AGT: variants seen among roughly 807,000 people sequenced by gnomAD.
AGT encodes the protein angiotensinogen.
A neutral mutation model predicts 28.1 loss-of-function variants in AGT; 26 were observed. The observed-to-expected ratio is 0.92, with a 90% CI of 0.68 to 1.28. The LOEUF (loss-of-function observed/expected upper bound fraction) is 1.28, where lower values mean the gene tolerates loss of function less well. AGT is among the 50% of genes most tolerant of loss of function. The pLI is 0.00. For synonymous variants in AGT, 259 were observed against 259.6 expected, an observed-to-expected ratio of 1.00 and a Z score of 0.02; for missense variants, 596 against 592.3, an observed-to-expected ratio of 1.01 and a Z score of -0.06.
intron 1 of AGT, among the ~76,000 whole-genome samples, chr1:230,728,557 G>C (rs778045989): frequency 6.6e-6 from 1 of 152,154 alleles, no homozygotes; most frequent in Admixed American, 6.5e-5. Context: ...CGCTAAGGAG[G>C]TTTCAATATT....
chr1:230,717,730 C>T (rs1663765501), upstream of AGT, among the ~76,000 whole-genome samples: 1 of 152,170 alleles, frequency 6.6e-6, no homozygotes, highest in African/African-American at 2.4e-5. Context: ...AAGGACACTT[C>T]CCAGCATTTC....
chr1:230,722,754 T>A (rs1044774560), intron 1 of AGT, among the ~76,000 whole-genome samples: 2 of 152,246 alleles, frequency 1.3e-5, no homozygotes, highest in Admixed American at 1.3e-4. Flanking sequence ...ACCCCCACTG[T>A]ATCTTGGAAG....
intron 3 of AGT, 121 bp downstream of exon 3, chr1:230,705,812 C>G (rs570157525): frequency 2.2e-6 from 3 of 1,341,926 alleles, no homozygotes; most frequent in African/African-American, 1.4e-5. Flanking sequence ...CCCGTGCCAC[C>G]GCGGCCCTGC....
chr1:230,743,873 A>G (rs180849800), intron 1 of AGT, among the ~76,000 whole-genome samples: 87 of 152,342 alleles, frequency 5.7e-4, no homozygotes, highest in Admixed American at 1.2e-3. Flanking sequence ...AAACAAAGGG[A>G]GTTCGCCACA....
chr1:230,731,743 T>G (rs1214083399), intron 1 of AGT, among the ~76,000 whole-genome samples: 1 of 152,162 alleles, frequency 6.6e-6, no homozygotes, highest in Non-Finnish European at 1.5e-5. Context: ...GGCACACACC[T>G]GTAATCCCAG....
intron 1 of AGT, among the ~76,000 whole-genome samples, chr1:230,731,291 T>C (rs1260358882): frequency 6.6e-6 from 1 of 152,136 alleles, no homozygotes; most frequent in Non-Finnish European, 1.5e-5. Flanking sequence ...CTTCTAGCGG[T>C]CCCACAGGCC....
At chr1:230,710,950 C>A in intron 1 of AGT, 97 bp from the exon 2 acceptor site, 1 of 1,443,732 alleles carries the variant, frequency 6.9e-7, no homozygotes, top group Non-Finnish European at 9.5e-7. Flanking sequence ...TCCCTGTCAC[C>A]ATTTAGCCCA....
At chr1:230,742,913 G>T (rs763512788) in intron 1 of AGT, among the ~76,000 whole-genome samples, 2 of 152,184 alleles carry the variant, frequency 1.3e-5, no homozygotes, top group African/African-American at 2.4e-5. Flanking sequence ...TGGGTGCATT[G>T]GTAGCTCTGA....
At chr1:230,742,478 G>T (rs73104603) in intron 1 of AGT, among the ~76,000 whole-genome samples, 11,315 of 152,032 alleles carry the variant, frequency 0.074, 611 homozygotes, top group East Asian at 0.14. Flanking sequence ...ACTATGCCTG[G>T]CTAATTTTCT....
chr1:230,719,413 T>TTTTTTGTTTGTTTTTGTTTTTG (rs1558291312), upstream of AGT, among the ~76,000 whole-genome samples: 1 of 59,138 alleles, frequency 1.7e-5, no homozygotes, highest in African/African-American at 1.8e-4. Context: ...TATGTTTTTT[T>TTTTTTGTTTGTTTTTGTTTTTG]TTTTTTTTTT....
chr1:230,722,222 G>C (rs1026849769), intron 1 of AGT, among the ~76,000 whole-genome samples: 1 of 152,228 alleles, frequency 6.6e-6, no homozygotes, highest in Non-Finnish European at 1.5e-5. Flanking sequence ...CATGGTGTTG[G>C]GCCTGTGGGT....
intron 1 of AGT, among the ~76,000 whole-genome samples, chr1:230,742,005 A>C (rs1167989924): frequency 6.6e-6 from 1 of 152,152 alleles, no homozygotes; most frequent in Non-Finnish European, 1.5e-5. Flanking sequence ...TCAGTGAGCT[A>C]TGATCATGTC....
chr1:230,728,300 T>A (rs1186174811), intron 1 of AGT, among the ~76,000 whole-genome samples: 4 of 152,216 alleles, frequency 2.6e-5, no homozygotes, highest in Admixed American at 2.0e-4. Context: ...TGCTTAACTA[T>A]GTCTACATCT....
At chr1:230,728,912 T>C (rs1487535857) in intron 1 of AGT, among the ~76,000 whole-genome samples, 7 of 152,210 alleles carry the variant, frequency 4.6e-5, no homozygotes, top group Admixed American at 4.6e-4. Context: ...AGTTAACATA[T>C]GAAAGCATTT....
chr1:230,729,796 A>G (rs1379764373), intron 1 of AGT, among the ~76,000 whole-genome samples: 1 of 152,124 alleles, frequency 6.6e-6, no homozygotes, highest in Non-Finnish European at 1.5e-5. Flanking sequence ...TATGTCACCC[A>G]GTGTAATGCC....
At chr1:230,732,684 A>C (rs978190109) in intron 1 of AGT, among the ~76,000 whole-genome samples, 2 of 152,248 alleles carry the variant, frequency 1.3e-5, no homozygotes, top group Non-Finnish European at 2.9e-5. Context: ...AATGTTACTA[A>C]GAAAATCGTA....
chr1:230,708,833 G>T (rs1029701726), intron 2 of AGT, among the ~76,000 whole-genome samples: 4 of 152,178 alleles, frequency 2.6e-5, no homozygotes, highest in Admixed American at 1.3e-4. Context: ...CTTCCGGGAT[G>T]ACCTCTGAAC....
intron 1 of AGT, among the ~76,000 whole-genome samples, chr1:230,719,575 T>A (rs1248272389): frequency 2.6e-5 from 4 of 151,992 alleles, no homozygotes; most frequent in African/African-American, 9.6e-5. Context: ...GCCCAGCTAA[T>A]TTTTTGTATT....
chr1:230,705,795 GC>G, intron 3 of AGT, 137 bp downstream of exon 3: 1 of 1,110,470 alleles, frequency 9.0e-7, no homozygotes, highest in Non-Finnish European at 1.3e-6. Flanking sequence ...CAGGCCGCCT[GC>G]CCAGCCCCGT....
Sources: allele counts gnomAD v4.1 joint callset (sites outside exome capture counted in the v4.1 genomes callset), GRCh38; gene constraint gnomAD v4.1.1; transcripts MANE v1.5; gene names NCBI Gene and HGNC (gene_info 2026-07-23, HGNC 2026-07-21).